The following FARSB variants were observed in gnomAD, a reference collection of about 807,000 sequenced individuals.
FARSB encodes the protein phenylalanyl-tRNA synthetase subunit beta, also known as phenylalanine--tRNA ligase beta subunit.
A neutral mutation model predicts 69.6 loss-of-function variants in FARSB; 40 were observed. That is an observed-to-expected ratio of 0.57 (90% confidence interval 0.45 to 0.75). FARSB has a LOEUF of 0.75. FARSB is among the 30% of genes least tolerant of loss of function. FARSB has a pLI of 0.00. For missense variants in FARSB, 632 were observed against 722.9 expected, an observed-to-expected ratio of 0.87 and a Z score of 1.44; for synonymous variants, 235 against 247.2, an observed-to-expected ratio of 0.95 and a Z score of 0.46.
chr2:222,629,283 A>C (rs1691356549), intron 9 of FARSB, among the ~76,000 whole-genome samples: 1 of 152,240 alleles, frequency 6.6e-6, no homozygotes, highest in Non-Finnish European at 1.5e-5. Flanking sequence ...AATTTCAATC[A>C]TGCTTTCTAC....
At chr2:222,580,788 G>A (rs1689947064) in intron 16 of FARSB, among the ~76,000 whole-genome samples, 1 of 152,110 alleles carries the variant, frequency 6.6e-6, no homozygotes, top group East Asian at 1.9e-4. Context: ...CAAACTAAGG[G>A]ACTTTAGGGA....
In FARSB at chr2:222,571,393, GTTATT is replaced by G. The variant is rs1245780154; in HGVS notation, c.*473_*477del. The G allele has an allele frequency of 6.6e-6, 1 of 152,192 alleles. No homozygotes were observed. The highest frequency in any genetic ancestry group is 6.5e-5 in the Admixed American group (1 of 15,272). 9.4% of individuals were successfully genotyped at this position (152,192 alleles called of 1,614,324 possible). ...TTCTTAAACGTTTTCTAAAAATATT[GTTATT>G]TTAGTGTTTCTCAATGATGAATACA... On this transcript the variant is annotated 3_prime_UTR_variant, in exon 17 of 17. Coordinates refer to ENST00000281828, the MANE Select transcript of FARSB (RefSeq NM_005687.5).
intron 1 of FARSB, among the ~76,000 whole-genome samples, chr2:222,652,911 CAT>C (rs1367749609): frequency 2.7e-4 from 41 of 152,294 alleles, no homozygotes; most frequent in African/African-American, 6.5e-4. Flanking sequence ...TCCTAATTAT[CAT>C]ATGTTTTATT....
intron 15 of FARSB, among the ~76,000 whole-genome samples, chr2:222,608,207 G>A (rs1690756644): frequency 6.6e-6 from 1 of 152,130 alleles, no homozygotes; most frequent in Non-Finnish European, 1.5e-5. Flanking sequence ...ATGAAATGGT[G>A]AAATTAAATT....
intron 14 of FARSB, among the ~76,000 whole-genome samples, chr2:222,616,990 T>TATAGTGACATTTAATGCATTTCTGATTA (rs1231018982): frequency 0.028 from 142 of 5,162 alleles, 23 homozygotes; most frequent in African/African-American, 0.18. Flanking sequence ...TGATTCTTTT[T>TATAGTGACATTTAATGCATTTCTGATTA]TTTTTTTTTT....
intron 16 of FARSB, among the ~76,000 whole-genome samples, chr2:222,593,835 G>T (rs1023569074): frequency 1.3e-5 from 2 of 151,934 alleles, no homozygotes; most frequent in African/African-American, 4.8e-5. Context: ...ACTCCAGTCT[G>T]GGTGACAGAG....
At chr2:222,591,561 GAGA>G (rs953955977) in intron 16 of FARSB, among the ~76,000 whole-genome samples, 1 of 152,206 alleles carries the variant, frequency 6.6e-6, no homozygotes, top group Non-Finnish European at 1.5e-5. Context: ...AAGGTAGAAA[GAGA>G]AGAATAAAAA....
chr2:222,637,421 G>T (rs1691611547), intron 5 of FARSB, among the ~76,000 whole-genome samples: 1 of 152,152 alleles, frequency 6.6e-6, no homozygotes, highest in Admixed American at 6.5e-5. Flanking sequence ...AAGATATGCA[G>T]AGGGTCCCAC....
At chr2:222,587,186 A>G (rs1690138078) in intron 16 of FARSB, among the ~76,000 whole-genome samples, 1 of 152,238 alleles carries the variant, frequency 6.6e-6, no homozygotes, top group South Asian at 2.1e-4. Flanking sequence ...TCAAATTAGA[A>G]CTCAGTATTA....
chr2:222,655,924 G>A, intron 1 of FARSB, 92 bp downstream of exon 1: 1 of 1,069,402 alleles, frequency 9.4e-7, no homozygotes, highest in South Asian at 1.4e-5. Flanking sequence ...AAAACCTTCA[G>A]GAAGGCATGA....
chr2:222,570,882 A>G lies in FARSB; in HGVS notation c.*989T>C, dbSNP rs1268691945. On this transcript the variant is annotated 3_prime_UTR_variant, in exon 17 of 17. Coordinates refer to ENST00000281828, the MANE Select transcript of FARSB (RefSeq NM_005687.5). ...ATTATATTTTATCATATTTCTTATT[A>G]CTTCAATAGTACCTGGGAACTTGTC... The G allele has an allele frequency of 1.3e-5, 2 of 152,056 alleles. No homozygotes were observed. The highest frequency in any genetic ancestry group is 4.8e-5 in the African/African-American group (2 of 41,398). The allele number at this position is 152,056 out of a possible 1,614,324, so 9.4% of individuals were successfully genotyped here. A position where few individuals can be genotyped will look rare whatever the true frequency, so the allele number is the denominator to read the frequency against.
At chr2:222,612,967 T>C (rs1690897013) in intron 15 of FARSB, among the ~76,000 whole-genome samples, 1 of 152,192 alleles carries the variant, frequency 6.6e-6, no homozygotes, top group African/African-American at 2.4e-5. Flanking sequence ...ACTGGTACAA[T>C]GGTAATGGTG....
intron 5 of FARSB, among the ~76,000 whole-genome samples, chr2:222,636,070 ACT>A (rs1363065354): frequency 2.0e-5 from 3 of 147,832 alleles, no homozygotes; most frequent in Non-Finnish European, 4.5e-5. Context: ...ACAAGGTGAG[ACT>A]CTGTCTCAAA....
intron 15 of FARSB, among the ~76,000 whole-genome samples, chr2:222,602,800 T>C (rs564155944): frequency 1.3e-5 from 2 of 152,098 alleles, no homozygotes; most frequent in Non-Finnish European, 2.9e-5. Context: ...TTTGTTTGGG[T>C]CTTATTTCAT....
At chr2:222,610,376 A>T (rs868810870) in intron 15 of FARSB, among the ~76,000 whole-genome samples, 98 of 152,252 alleles carry the variant, frequency 6.4e-4, no homozygotes, top group African/African-American at 2.2e-3. Context: ...TTTGAGAAAC[A>T]GTAAAAACAT....
intron 16 of FARSB, among the ~76,000 whole-genome samples, chr2:222,592,686 T>C (rs1374574656): frequency 6.7e-6 from 1 of 150,058 alleles, no homozygotes. Flanking sequence ...CTAGTATGGA[T>C]GCAGAAGAGA....
intron 13 of FARSB, 143 bp downstream of exon 13, chr2:222,623,507 T>C (rs1417393051): frequency 1.5e-6 from 1 of 681,110 alleles, no homozygotes; most frequent in Non-Finnish European, 2.6e-6. Flanking sequence ...AATTGTATAA[T>C]CTCAAGTAAC....
chr2:222,645,597 T>A (rs1691830089), intron 2 of FARSB, among the ~76,000 whole-genome samples: 1 of 150,588 alleles, frequency 6.6e-6, no homozygotes, highest in South Asian at 2.1e-4. Flanking sequence ...GAAAATTATC[T>A]TTTAAATTAA....
At chr2:222,583,237 T>C (rs558312921) in intron 16 of FARSB, among the ~76,000 whole-genome samples, 17 of 152,290 alleles carry the variant, frequency 1.1e-4, no homozygotes, top group Non-Finnish European at 2.2e-4. Flanking sequence ...TAACTAAGTA[T>C]ATAGGAAAAC....
Sources: allele counts gnomAD v4.1 joint callset (sites outside exome capture counted in the v4.1 genomes callset), GRCh38; gene constraint gnomAD v4.1.1; transcripts MANE v1.5; gene names NCBI Gene and HGNC (gene_info 2026-07-23, HGNC 2026-07-21).